Variants in LHPP observed in about 807,000 individuals in gnomAD.
LHPP encodes the protein phospholysine phosphohistidine inorganic pyrophosphate phosphatase, also known as hLHPP.
A neutral mutation model predicts 30.3 loss-of-function variants in LHPP; 24 were observed. That is an observed-to-expected ratio of 0.79 (90% CI 0.57 to 1.11). The LOEUF (loss-of-function observed/expected upper bound fraction) is 1.11. Ranked by LOEUF, LHPP falls within the 50% of genes most tolerant of loss-of-function variation. The probability of loss-of-function intolerance (pLI) is 0.00; values close to 1 mark genes in which losing one functional copy is unlikely to be tolerated. For synonymous variants in LHPP, 150 were observed against 157.1 expected, an observed-to-expected ratio of 0.95 and a Z score of 0.34; for missense variants, 356 against 367.2, an observed-to-expected ratio of 0.97 and a Z score of 0.25.
intron 5 of LHPP, among the ~76,000 whole-genome samples, chr10:124,515,867 A>G (rs1268663316): frequency 6.6e-6 from 1 of 152,236 alleles, no homozygotes; most frequent in East Asian, 1.9e-4. Flanking sequence ...ATTCTTTCCC[A>G]GGCTCAGGGA....
intron 2 of LHPP, among the ~76,000 whole-genome samples, chr10:124,484,824 G>C (rs1389879882): frequency 6.6e-6 from 1 of 152,146 alleles, no homozygotes; most frequent in African/African-American, 2.4e-5. Flanking sequence ...TTTGCAAATG[G>C]CGTAGGAACA....
rs1298529383 is a variant in LHPP at position 124,590,472 on chromosome 10, C to T, written c.717-22792C>T. On this transcript the variant is annotated intron_variant, in intron 6 of 6. Transcript: ENST00000368842. This position sits in a 1 kb window ranked among gnomAD's most constrained non-coding sequence, Gnocchi z 4.3. ...GCGATGGTGAGCAACTCCAGGCTAC[C>T]CCGAGAAAGCCGCTGTGTGACCCCA... Among the ~76,000 whole-genome samples, 1 of 152,084 alleles carries T rather than the reference C, an allele frequency of 6.6e-6. No homozygotes were observed.
chr10:124,474,899 G>A (rs964553435), intron 1 of LHPP, among the ~76,000 whole-genome samples: 1 of 152,044 alleles, frequency 6.6e-6, no homozygotes, highest in East Asian at 1.9e-4. Context: ...TCCTTCCCAG[G>A]GCACCTGGCT....
intron 6 of LHPP, among the ~76,000 whole-genome samples, chr10:124,549,451 A>G (rs1955426756): frequency 6.6e-6 from 1 of 152,090 alleles, no homozygotes; most frequent in South Asian, 2.1e-4. Flanking sequence ...AAAAAAAAAA[A>G]GATTTGGCCA....
chr10:124,533,431 G>T (rs1302988196), intron 6 of LHPP, among the ~76,000 whole-genome samples: 3 of 152,202 alleles, frequency 2.0e-5, no homozygotes, highest in Non-Finnish European at 4.4e-5. Flanking sequence ...GAGAGCGTCT[G>T]CCCAAGCACA....
rs1953244104 is a variant in LHPP at position 124,484,244 on chromosome 10, G to A, written c.231G>A (p.Glu77=). Residue 77 remains glutamate (E), a synonymous_variant, in exon 2 of 7, where the codon GAG becomes GAA. Coordinates refer to ENST00000368842, the MANE Select transcript of LHPP (RefSeq NM_022126.4). ...QLQRLGFDIS[E]QEVTAPAPAA... is the part of the protein sequence containing the mutation. ...AGAGGCTGGGATTTGACATCTCTGAGCAGGAGGTGACCGCCCCGGCACCAG... is the reference window on the plus strand; with the variant it reads ...AGAGGCTGGGATTTGACATCTCTGAACAGGAGGTGACCGCCCCGGCACCAG... The A allele has an allele frequency of 1.2e-6, 2 of 1,614,068 alleles. No individual in the cohort carries two copies. Among genetic ancestry groups the A allele is most frequent in the Non-Finnish European group, 8.5e-7 (1 of 1,180,016 alleles).
intron 1 of LHPP, among the ~76,000 whole-genome samples, chr10:124,480,175 T>A (rs974424492): frequency 2.0e-5 from 3 of 152,198 alleles, no homozygotes; most frequent in Admixed American, 2.0e-4. Context: ...GGCTGGTCCC[T>A]GGTGGTCAGA....
intron 6 of LHPP, among the ~76,000 whole-genome samples, chr10:124,569,350 G>A (rs548883120): frequency 4.3e-4 from 65 of 152,282 alleles, no homozygotes; most frequent in African/African-American, 1.4e-3. Flanking sequence ...GTTGTCTGTC[G>A]GGCTGTGTCG....
chr10:124,579,664 T>A (rs1589689920), intron 6 of LHPP, among the ~76,000 whole-genome samples: 1 of 152,234 alleles, frequency 6.6e-6, no homozygotes, highest in African/African-American at 2.4e-5. Context: ...TTGGGGAGTT[T>A]GTTAAATATA....
chr10:124,597,564 G>T (rs538940662), intron 6 of LHPP, among the ~76,000 whole-genome samples: 1 of 152,218 alleles, frequency 6.6e-6, no homozygotes. Flanking sequence ...ACCAGCAAGG[G>T]CACCCAGAGC....
intron 6 of LHPP, among the ~76,000 whole-genome samples, chr10:124,539,046 C>G (rs1955110840): frequency 6.6e-6 from 1 of 152,160 alleles, no homozygotes; most frequent in Non-Finnish European, 1.5e-5. Context: ...CTTCTTCTAG[C>G]AGAGAGTGGT....
intron 6 of LHPP, among the ~76,000 whole-genome samples, chr10:124,540,342 C>A (rs908268957): frequency 2.6e-5 from 4 of 152,142 alleles, no homozygotes; most frequent in African/African-American, 4.8e-5. Flanking sequence ...CAGGGACTTG[C>A]GGCCGGGGAC....
chr10:124,487,587 C>A (rs976675120), intron 2 of LHPP, among the ~76,000 whole-genome samples: 1 of 151,926 alleles, frequency 6.6e-6, no homozygotes, highest in African/African-American at 2.4e-5. Context: ...AGATTACAGG[C>A]GGCCGCCACC....
intron 6 of LHPP, among the ~76,000 whole-genome samples, chr10:124,547,069 T>C (rs1156852583): frequency 2.0e-5 from 3 of 152,094 alleles, no homozygotes; most frequent in African/African-American, 7.2e-5. Flanking sequence ...TTGTCCTGTT[T>C]GGTTTTTAGA....
chr10:124,503,039 G>A (rs1407433561), intron 5 of LHPP, among the ~76,000 whole-genome samples: 1 of 151,580 alleles, frequency 6.6e-6, no homozygotes, highest in Admixed American at 6.6e-5. Flanking sequence ...CTGATCATTA[G>A]TTCTAATTTT....
chr10:124,603,511 GGGACCCAGAGA>G (rs1949054532), intron 6 of LHPP, among the ~76,000 whole-genome samples: 1 of 152,158 alleles, frequency 6.6e-6, no homozygotes, highest in Non-Finnish European at 1.5e-5. Context: ...AGAGAGGTGA[GGGACCCAGAGA>G]GGCCCAGGAT....
At chr10:124,495,256 A>C (rs975249758) in intron 3 of LHPP, among the ~76,000 whole-genome samples, 3 of 152,056 alleles carry the variant, frequency 2.0e-5, no homozygotes, top group African/African-American at 7.2e-5. Context: ...ACCCCAGAGC[A>C]CAGAGCCTCA....
chr10:124,555,164 C>G (rs1460522539), intron 6 of LHPP, among the ~76,000 whole-genome samples: 2 of 152,076 alleles, frequency 1.3e-5, no homozygotes, highest in Non-Finnish European at 2.9e-5. Flanking sequence ...CCCCTTTGCT[C>G]TCTTCCTGGG....
chr10:124,515,926 G>C (rs1954440405), intron 5 of LHPP, among the ~76,000 whole-genome samples: 1 of 151,956 alleles, frequency 6.6e-6, no homozygotes, highest in African/African-American at 2.4e-5. Flanking sequence ...TACTTGAGGG[G>C]ACCCTCCACG....
Sources: gnomAD v4.1 joint callset for allele counts (sites outside exome capture counted in the v4.1 genomes callset) on GRCh38, gnomAD v4.1.1 for gene constraint, Gnocchi (gnomAD v3.1) non-coding constraint, MANE v1.5 for transcripts, NCBI Gene and HGNC (gene_info 2026-07-23, HGNC 2026-07-21) for gene names.